The following MYRFL variants were observed in gnomAD, a reference collection of about 807,000 sequenced individuals.
MYRFL encodes myelin regulatory factor-like protein.
MYRFL carries 88 observed loss-of-function variants against 109.4 expected under a neutral mutation model. The ratio of observed to expected loss-of-function variants is 0.80; its 90% CI spans 0.68 to 0.96. The LOEUF is 0.96. MYRFL is among the 40% of genes least tolerant of loss of function. The probability of loss-of-function intolerance (pLI) is 0.00; values close to 1 mark genes in which losing one functional copy is unlikely to be tolerated. For synonymous variants in MYRFL, 324 were observed against 320.9 expected (o/e 1.01, Z -0.10); for missense variants, 957 against 954.9 (o/e 1.00, Z -0.03).
At position 69,909,911 on chromosome 12, in the gene MYRFL, T is replaced by A. The variant is rs1489196291; in HGVS notation, c.1384-58T>A. The A allele has an allele frequency of 4.9e-6, 6 of 1,218,392 alleles. No individual in the cohort carries two copies. In the African/African-American group the frequency reaches 7.6e-5, roughly 15 times the overall value. 75.5% of individuals were successfully genotyped at this position (1,218,392 alleles called of 1,614,324 possible). A position where few individuals can be genotyped will look rare whatever the true frequency, so the allele number is the denominator to read the frequency against. ...TGATGTCTCTGGGTCACTCTGGGCATTAATTTGAATAGCAAATATCTATGC... is the reference window on the plus strand; with the variant it reads ...TGATGTCTCTGGGTCACTCTGGGCAATAATTTGAATAGCAAATATCTATGC... On this transcript the variant is annotated intron_variant, in intron 11 of 24. Transcript: ENST00000552032.
intron 16 of MYRFL, among the ~76,000 whole-genome samples, chr12:69,933,983 G>A (rs775807377): frequency 1.3e-5 from 2 of 152,122 alleles, no homozygotes; most frequent in Non-Finnish European, 2.9e-5. Context: ...TCAAAACCAG[G>A]GTTTGCCCCC....
At position 69,916,998 on chromosome 12, in the gene MYRFL, C is replaced by G. The variant is rs530795436; in HGVS notation, c.1602+6068C>G. Among the ~76,000 whole-genome samples the G allele has an allele frequency of 4.9e-3, 749 of 152,220 alleles. 4 individuals carry two copies. The highest frequency in any genetic ancestry group is 0.017 in the African/African-American group (705 of 41,514). On this transcript the variant is annotated intron_variant, in intron 13 of 24. Transcript: ENST00000552032. The stretch of plus-strand genomic sequence containing the variant: ...TTTCATCTCTCTCCAGTAGCTTCCA[C>G]GGCTCCCCTTCCCCAGCCCCTCCCT...
At chr12:69,858,177 A>C (rs545858386) in intron 2 of MYRFL, among the ~76,000 whole-genome samples, 2 of 151,708 alleles carry the variant, frequency 1.3e-5, no homozygotes, top group Admixed American at 6.6e-5. Flanking sequence ...TGATTATTGA[A>C]CTGCCTTGTA....
At chr12:69,933,719 TCTC>T (rs1793777393) in intron 16 of MYRFL, among the ~76,000 whole-genome samples, 1 of 152,136 alleles carries the variant, frequency 6.6e-6, no homozygotes. Flanking sequence ...GTGCCTGTCT[TCTC>T]CTGCTGGGAT....
chr12:69,850,286 A>G (rs879584239), intron 1 of MYRFL, among the ~76,000 whole-genome samples: 3 of 152,134 alleles, frequency 2.0e-5, no homozygotes, highest in Non-Finnish European at 4.4e-5. Context: ...AGACTAATAC[A>G]ATCAGTAGGT....
intron 11 of MYRFL, among the ~76,000 whole-genome samples, chr12:69,909,094 T>C (rs1339915237): frequency 6.6e-6 from 1 of 152,224 alleles, no homozygotes; most frequent in African/African-American, 2.4e-5. Context: ...GTCCCAACAC[T>C]TAGTAGTGCA....
intron 1 of MYRFL, among the ~76,000 whole-genome samples, chr12:69,842,247 C>T (rs1400320622): frequency 1.3e-5 from 2 of 152,234 alleles, no homozygotes; most frequent in African/African-American, 4.8e-5. Flanking sequence ...AATCTCCCAA[C>T]TGCAGGCTAA....
intron 11 of MYRFL, among the ~76,000 whole-genome samples, chr12:69,909,700 A>G (rs1401168703): frequency 1.3e-5 from 2 of 152,184 alleles, no homozygotes; most frequent in African/African-American, 4.8e-5. Context: ...GACAGTTGGG[A>G]CAGCCTTTAA....
Position 69,832,729 on chromosome 12 carries a change from T to A in MYRFL, c.46+7166T>A, listed in dbSNP as rs181311783. The stretch of plus-strand genomic sequence containing the variant: ...GAGGTGGAAGCGCTTGAAGTGTGAG[T>A]GACAATGGGGAGGGTGGTAGAAAAT... On this transcript the variant is annotated intron_variant, in intron 1 of 24. Transcript: ENST00000552032. Among the ~76,000 whole-genome samples the A allele has an allele frequency of 2.0e-3, 306 of 151,804 alleles. 1 individual carries two copies. The highest frequency in any genetic ancestry group is 3.8e-4 in the Non-Finnish European group (26 of 67,912).
At chr12:69,848,862 A>ATTTGTT (rs1883716221) in intron 1 of MYRFL, among the ~76,000 whole-genome samples, 1 of 151,990 alleles carries the variant, frequency 6.6e-6, no homozygotes, top group Non-Finnish European at 1.5e-5. Flanking sequence ...ACTGGCTCTT[A>ATTTGTT]TTTGTTTTTG....
intron 2 of MYRFL, among the ~76,000 whole-genome samples, chr12:69,856,981 A>G (rs547844891): frequency 2.0e-5 from 3 of 151,954 alleles, no homozygotes; most frequent in Middle Eastern, 3.4e-3. Flanking sequence ...CAAGTTCCCA[A>G]AGATTTTCTT....
intron 1 of MYRFL, among the ~76,000 whole-genome samples, chr12:69,840,883 A>G (rs1883206905): frequency 6.6e-6 from 1 of 152,228 alleles, no homozygotes; most frequent in African/African-American, 2.4e-5. Flanking sequence ...CTGTTACACA[A>G]TGTGCTTGAA....
At chr12:69,901,804 A>G (rs1954192172) in intron 10 of MYRFL, among the ~76,000 whole-genome samples, 1 of 152,094 alleles carries the variant, frequency 6.6e-6, no homozygotes, top group Admixed American at 6.6e-5. Flanking sequence ...ATTTACACAA[A>G]ATAATGTTCA....
chr12:69,849,809 G>A (rs1220934244), intron 1 of MYRFL, among the ~76,000 whole-genome samples: 1 of 152,188 alleles, frequency 6.6e-6, no homozygotes, highest in Non-Finnish European at 1.5e-5. Context: ...ATTAGGACTT[G>A]AAAATAATGA....
At chr12:69,850,557 A>C (rs1011247490) in intron 1 of MYRFL, among the ~76,000 whole-genome samples, 1 of 152,162 alleles carries the variant, frequency 6.6e-6, no homozygotes, top group Non-Finnish European at 1.5e-5. Flanking sequence ...AAGTTTTTTT[A>C]ACCAAATGGT....
intron 13 of MYRFL, among the ~76,000 whole-genome samples, chr12:69,922,258 C>T (rs2120430691): frequency 6.6e-6 from 1 of 152,084 alleles, no homozygotes; most frequent in East Asian, 1.9e-4. Flanking sequence ...ACAGGGTAAA[C>T]ATAGTAAATA....
chr12:69,850,220 T>C (rs970135193), intron 1 of MYRFL, among the ~76,000 whole-genome samples: 2 of 152,164 alleles, frequency 1.3e-5, no homozygotes, highest in African/African-American at 4.8e-5. Flanking sequence ...CCAATAAACC[T>C]CTTCGTTTTG....
At chr12:69,957,608 C>T (rs189545583) in intron 22 of MYRFL, among the ~76,000 whole-genome samples, 3 of 152,226 alleles carry the variant, frequency 2.0e-5, no homozygotes, top group East Asian at 1.9e-4. Flanking sequence ...TATACTATTT[C>T]GATAGCTATC....
At chr12:69,877,023 CTTT>C (rs113649427) in intron 2 of MYRFL, among the ~76,000 whole-genome samples, 4,622 of 128,910 alleles carry the variant, frequency 0.036, 156 homozygotes, top group Non-Finnish European at 0.051. Flanking sequence ...TTCTTTCTTT[CTTT>C]TTTTTTTTTT....
Sources: allele counts gnomAD v4.1 joint callset (sites outside exome capture counted in the v4.1 genomes callset), GRCh38; gene constraint gnomAD v4.1.1; transcripts MANE v1.5; gene names NCBI Gene and HGNC (gene_info 2026-07-23, HGNC 2026-07-21).